Variants in SLC36A1 observed in about 807,000 individuals in gnomAD.
SLC36A1 encodes the protein solute carrier family 36 member 1, also known as proton-coupled amino acid transporter 1.
Under a neutral mutation model 47.5 loss-of-function variants are expected in SLC36A1, and 30 were observed. The ratio of observed to expected loss-of-function variants is 0.63; its 90% CI spans 0.47 to 0.86. The LOEUF (loss-of-function observed/expected upper bound fraction) is 0.86, where lower values mean the gene tolerates loss of function less well. Ranked by LOEUF, SLC36A1 falls within the 40% of genes least tolerant of loss-of-function variation. The pLI is 0.00. For missense variants in SLC36A1, 517 were observed against 606.0 expected, an observed-to-expected ratio of 0.85 and a Z score of 1.54; for synonymous variants, 255 against 249.7, an observed-to-expected ratio of 1.02 and a Z score of -0.20.
chr5:151,500,556 C>CG, the SLC36A1 span, among the ~76,000 whole-genome samples: 1 of 152,240 alleles, frequency 6.6e-6, no homozygotes, highest in South Asian at 2.1e-4. Context: ...TTAGTAGAGA[C>CG]GGGGTTTCAC....
chr5:151,555,343 C>CTACTTCT, the SLC36A1 span, among the ~76,000 whole-genome samples: 1 of 150,004 alleles, frequency 6.7e-6, no homozygotes, highest in African/African-American at 2.5e-5. Flanking sequence ...GGCCATTTAG[C>CTACTTCT]TACTTCTTAC....
the SLC36A1 span, among the ~76,000 whole-genome samples, chr5:151,535,567 G>A: frequency 0.26 from 38,990 of 152,096 alleles, 6,218 homozygotes; most frequent in East Asian, 0.39. Context: ...CTCTTCACCT[G>A]TATCCTTTGC....
At chr5:151,521,598 G>A in the SLC36A1 span, 2 of 1,614,206 alleles carry the variant, frequency 1.2e-6, no homozygotes, top group Non-Finnish European at 1.7e-6. Flanking sequence ...CCAAGTGAAT[G>A]TTAGCCCGTT....
chr5:151,401,151 G>T, the SLC36A1 span, among the ~76,000 whole-genome samples: 1 of 152,094 alleles, frequency 6.6e-6, no homozygotes, highest in African/African-American at 2.4e-5. Context: ...TATAGTTTCA[G>T]GTCCTACATT....
chr5:151,373,354 T>G, the SLC36A1 span, among the ~76,000 whole-genome samples: 1 of 152,026 alleles, frequency 6.6e-6, no homozygotes, highest in African/African-American at 2.4e-5. Context: ...CACATCATAT[T>G]CAAACTGATG....
chr5:151,478,425 T>C (rs1758367217), intron 9 of SLC36A1, among the ~76,000 whole-genome samples: 1 of 152,182 alleles, frequency 6.6e-6, no homozygotes. Flanking sequence ...AGTTACGTCA[T>C]TTTTGGAAGC....
At chr5:151,540,889 A>ATG in the SLC36A1 span, 7 of 831,326 alleles carry the variant, frequency 8.4e-6, no homozygotes, top group South Asian at 3.8e-5. Context: ...TCCTTCCTTA[A>ATG]CTAGGAACCC....
the SLC36A1 span, chr5:151,521,503 T>G: frequency 6.2e-7 from 1 of 1,614,220 alleles, no homozygotes; most frequent in Admixed American, 1.7e-5. Flanking sequence ...TGCTAGCTCC[T>G]GAAACTCGTA....
chr5:151,521,625 G>C, the SLC36A1 span: 20 of 1,614,022 alleles, frequency 1.2e-5, no homozygotes, highest in Non-Finnish European at 1.6e-5. Flanking sequence ...CCAGCTTATG[G>C]CTGAGGAACC....
the SLC36A1 span, among the ~76,000 whole-genome samples, chr5:151,374,334 T>A: frequency 6.6e-6 from 1 of 152,216 alleles, no homozygotes; most frequent in Non-Finnish European, 1.5e-5. Context: ...CAGGAGCTCA[T>A]TAAAACAGCA....
chr5:151,368,984 T>C, the SLC36A1 span, among the ~76,000 whole-genome samples: 2 of 152,218 alleles, frequency 1.3e-5, no homozygotes, highest in Non-Finnish European at 2.9e-5. Flanking sequence ...ATACGCATGC[T>C]TGCTGGTGAA....
At chr5:151,391,771 A>G in the SLC36A1 span, among the ~76,000 whole-genome samples, 1 of 152,198 alleles carries the variant, frequency 6.6e-6, no homozygotes, top group Non-Finnish European at 1.5e-5. Context: ...CATGGTGGAT[A>G]AGCTTTTTGA....
At chr5:151,387,838 T>C in the SLC36A1 span, among the ~76,000 whole-genome samples, 1 of 152,182 alleles carries the variant, frequency 6.6e-6, no homozygotes, top group Non-Finnish European at 1.5e-5. Flanking sequence ...TTGCGCAAAT[T>C]CCTATTTAAG....
the SLC36A1 span, chr5:151,538,027 G>A: frequency 7.6e-7 from 1 of 1,313,706 alleles, no homozygotes; most frequent in Non-Finnish European, 1.1e-6. Flanking sequence ...CTGACTGAGG[G>A]AGGCAGAAGC....
At chr5:151,420,082 T>C in the SLC36A1 span, 1 of 152,156 alleles carries the variant, frequency 6.6e-6, no homozygotes, top group East Asian at 1.9e-4. Flanking sequence ...AATGGAAAGA[T>C]GTATAGTAGG....
the SLC36A1 span, chr5:151,382,036 C>A: frequency 1.5e-6 from 1 of 666,224 alleles, no homozygotes; most frequent in South Asian, 1.9e-5. Context: ...GGAGCTCTCC[C>A]AGTCTTTGCC....
the SLC36A1 span, among the ~76,000 whole-genome samples, chr5:151,530,577 C>T: frequency 2.6e-5 from 4 of 152,194 alleles, no homozygotes; most frequent in Non-Finnish European, 4.4e-5. Flanking sequence ...CAACCAAATT[C>T]AGTATGTAGA....
At chr5:151,465,972 A>G (rs1021374561) in intron 5 of SLC36A1, among the ~76,000 whole-genome samples, 4 of 152,132 alleles carry the variant, frequency 2.6e-5, no homozygotes, top group Admixed American at 2.0e-4. Flanking sequence ...CCACATTAAA[A>G]CTATGTTCTC....
chr5:151,453,758 A>AAAAATT (rs1334884586), intron 1 of SLC36A1, among the ~76,000 whole-genome samples: 4 of 152,092 alleles, frequency 2.6e-5, no homozygotes, highest in Non-Finnish European at 5.9e-5. Flanking sequence ...AATTTATTAG[A>AAAAATT]AAAATTTCTG....
Sources: gnomAD v4.1 joint callset for allele counts (sites outside exome capture counted in the v4.1 genomes callset) on GRCh38, gnomAD v4.1.1 for gene constraint, MANE v1.5 for transcripts, NCBI Gene and HGNC (gene_info 2026-07-23, HGNC 2026-07-21) for gene names.